NEXMIF: variants seen among roughly 807,000 people sequenced by gnomAD.
NEXMIF encodes neurite extension and migration factor.
In NEXMIF, 8 loss-of-function variants were observed where a neutral mutation model predicts 62.1. That is an observed-to-expected ratio of 0.13 (90% CI 0.08 to 0.23). The LOEUF is 0.23. NEXMIF is among the 10% of genes least tolerant of loss of function. The pLI is 1.00. For missense variants in NEXMIF, 976 were observed against 1,113.3 expected, an observed-to-expected ratio of 0.88 and a Z score of 1.75; for synonymous variants, 404 against 416.6, an observed-to-expected ratio of 0.97 and a Z score of 0.37.
rs1257327186 is a variant in NEXMIF at position 74,808,308 on chromosome X, G to A, written c.-47-62611C>T. On this transcript the variant is annotated intron_variant, in intron 1 of 3. Coordinates refer to ENST00000055682, the MANE Select transcript of NEXMIF (RefSeq NM_001008537.3). ...AATCTCAGCTACTTGGGAGGCTGAG[G>A]CAGGAGGATCCCTTGAACCCAGGAG... 2.7e-5 allele frequency among the ~76,000 whole-genome samples: 3 copies of A among 111,125 alleles called. No individual in the cohort carries two copies. In the East Asian group the frequency reaches 8.5e-4, roughly 32 times the overall value.
At chrX:74,904,950 G>GGTTAC (rs1231610409) in intron 1 of NEXMIF, among the ~76,000 whole-genome samples, 2 of 111,409 alleles carry the variant, frequency 1.8e-5, no homozygotes, top group Non-Finnish European at 3.8e-5. Context: ...TAGCCCAGCT[G>GGTTAC]CCTAGAACCT....
chrX:74,885,250 A>G (rs1462544632), intron 1 of NEXMIF, among the ~76,000 whole-genome samples: 1 of 111,865 alleles, frequency 8.9e-6, no homozygotes, highest in Middle Eastern at 4.2e-3. Flanking sequence ...GAGAAGCAAC[A>G]GCAAAAAAAT....
At chrX:74,873,189 G>A (rs2080611173) in intron 1 of NEXMIF, among the ~76,000 whole-genome samples, 1 of 109,266 alleles carries the variant, frequency 9.2e-6, no homozygotes, top group South Asian at 4.0e-4. Context: ...CCCTTCCAGT[G>A]TCCATGTGTT....
intron 1 of NEXMIF, among the ~76,000 whole-genome samples, chrX:74,848,753 A>G (rs996357054): frequency 1.8e-5 from 2 of 112,287 alleles, no homozygotes; most frequent in Admixed American, 9.4e-5. Context: ...CTAATCCCCA[A>G]TGTGATGGTA....
intron 1 of NEXMIF, among the ~76,000 whole-genome samples, chrX:74,797,132 A>T (rs978884597): frequency 1.8e-5 from 2 of 112,061 alleles, no homozygotes; most frequent in Admixed American, 1.9e-4. Flanking sequence ...ATTGAAGGAC[A>T]TTCTGCAAAA....
At chrX:74,781,027 G>T (rs1320719214) in intron 1 of NEXMIF, among the ~76,000 whole-genome samples, 2 of 111,755 alleles carry the variant, frequency 1.8e-5, no homozygotes, top group Admixed American at 9.5e-5. Flanking sequence ...AATATAGAAA[G>T]CCTGGGCAAC....
chrX:74,832,252 G>T (rs1017234872), intron 1 of NEXMIF, among the ~76,000 whole-genome samples: 2 of 111,597 alleles, frequency 1.8e-5, no homozygotes, highest in Non-Finnish European at 3.8e-5. Context: ...TTTACTAAGA[G>T]ACTTTTATTA....
intron 1 of NEXMIF, among the ~76,000 whole-genome samples, chrX:74,865,448 A>T (rs1221703968): frequency 8.9e-6 from 1 of 112,334 alleles, no homozygotes; most frequent in Non-Finnish European, 1.9e-5. Flanking sequence ...ATTCAAAAGG[A>T]AGAAGAGCAT....
rs1251401522 is a variant in NEXMIF at position 74,829,308 on chromosome X, T to C, written c.-47-83611A>G. On this transcript the variant is annotated intron_variant, in intron 1 of 3. Transcript: ENST00000055682. ...CAAGTGACAGAACATGTGATGTTTG[T>C]ATTTCTGTGCTTGGTTGATTTCACT... Among the ~76,000 whole-genome samples, 13 of 112,501 alleles carry C rather than the reference T, an allele frequency of 1.2e-4. No homozygotes were observed. The Admixed American group carries it at 1.2e-3, about 11-fold the overall frequency.
chrX:74,911,931 C>T (rs1037656003), intron 1 of NEXMIF, among the ~76,000 whole-genome samples: 1 of 112,081 alleles, frequency 8.9e-6, no homozygotes, highest in Non-Finnish European at 1.9e-5. Context: ...AGTACACAGG[C>T]AGTCCATAAA....
rs757541650 is a variant in NEXMIF at position 74,741,241 on chromosome X, A to G, written c.3316T>C (p.Leu1106=). ...KGFQEGVPGP[L]DSVEKIKWDC... is the part of the protein sequence containing the mutation. ...CACTTGATTTTTTCCACACTGTCCAATGGTCCTGGGACACCCTCTTGGAAC... is the reference window on the plus strand; with the variant it reads ...CACTTGATTTTTTCCACACTGTCCAGTGGTCCTGGGACACCCTCTTGGAAC... Residue 1106 remains leucine, a synonymous_variant, in exon 3 of 4, where the codon TTG becomes CTG. Coordinates refer to ENST00000055682, the MANE Select transcript of NEXMIF (RefSeq NM_001008537.3). 3.3e-6 allele frequency: 4 copies of G among 1,211,429 alleles called. No individual in the cohort carries two copies. The highest frequency in any genetic ancestry group is 2.3e-4 in the Middle Eastern group (1 of 4,354).
rs1189452377 is a variant in NEXMIF, at chrX:74,852,378, T to C, written c.-48+72505A>G. ...TCCAATACAATAATAGTTGGGAACT[T>C]CAACACTCCGCTCACAGCATAAGAC... On this transcript the variant is annotated intron_variant, in intron 1 of 3. Coordinates refer to ENST00000055682, the MANE Select transcript of NEXMIF (RefSeq NM_001008537.3). Among the ~76,000 whole-genome samples, 3 of 111,538 alleles carry C rather than the reference T, an allele frequency of 2.7e-5. No homozygotes were observed. The South Asian group carries it at 1.1e-3, about 43-fold the overall frequency.
intron 1 of NEXMIF, among the ~76,000 whole-genome samples, chrX:74,884,696 G>T (rs1290309166): frequency 9.0e-6 from 1 of 111,432 alleles, no homozygotes; most frequent in Non-Finnish European, 1.9e-5. Context: ...CAATAATAAT[G>T]GGAGATTTTA....
intron 1 of NEXMIF, among the ~76,000 whole-genome samples, chrX:74,924,216 G>A (rs982673650): frequency 9.0e-6 from 1 of 111,699 alleles, no homozygotes; most frequent in Non-Finnish European, 1.9e-5. Context: ...GCTGCGGGGC[G>A]CGGCAGAGAG....
chrX:74,918,128 A>C (rs983860973), intron 1 of NEXMIF, among the ~76,000 whole-genome samples: 1 of 111,975 alleles, frequency 8.9e-6, no homozygotes, highest in Non-Finnish European at 1.9e-5. Context: ...CCATACAACA[A>C]GAATTCTGTA....
At position 74,738,125 on chromosome X, in the gene NEXMIF, TA is replaced by T. The variant is rs1834646978; in HGVS notation, c.*1279del. ...AATGTTGGGGCTGTGAAATTTTTTTTAAAAAGTAGGGGGAGTACTGAATAAA... is the reference window on the plus strand; with the variant it reads ...AATGTTGGGGCTGTGAAATTTTTTTTAAAAGTAGGGGGAGTACTGAATAAA... On this transcript the variant is annotated 3_prime_UTR_variant, in exon 4 of 4. Transcript: ENST00000055682. 1 of 111,072 alleles carries T rather than the reference TA, an allele frequency of 9.0e-6. No homozygotes were observed. The highest frequency in any genetic ancestry group is 1.9e-5 in the Non-Finnish European group (1 of 53,012). The allele number at this position is 111,072 out of a possible 1,213,427, so 9.2% of individuals were successfully genotyped here.
intron 1 of NEXMIF, among the ~76,000 whole-genome samples, chrX:74,771,802 A>G (rs1488333833): frequency 9.0e-6 from 1 of 111,019 alleles, no homozygotes; most frequent in Non-Finnish European, 1.9e-5. Flanking sequence ...TTACATACAA[A>G]TAAAATTTAA....
chrX:74,810,401 G>A lies in NEXMIF; in HGVS notation c.-47-64704C>T, dbSNP rs138046592. ...TTAACTTTAAAAGCTACACAATGTGGTCTACCATAGGTTTGACAGAAAAAA... is the reference window on the plus strand; with the variant it reads ...TTAACTTTAAAAGCTACACAATGTGATCTACCATAGGTTTGACAGAAAAAA... On this transcript the variant is annotated intron_variant, in intron 1 of 3. Transcript: ENST00000055682. Among the ~76,000 whole-genome samples, 163 of 111,143 alleles carry A rather than the reference G, an allele frequency of 1.5e-3. 2 individuals carry two copies. In the East Asian group the frequency reaches 0.021, roughly 14 times the overall value.
At chrX:74,917,631 C>T (rs1459543010) in intron 1 of NEXMIF, among the ~76,000 whole-genome samples, 1 of 111,264 alleles carries the variant, frequency 9.0e-6, no homozygotes, top group Non-Finnish European at 1.9e-5. Flanking sequence ...GTCTCAAGGT[C>T]CCCATGAAGG....
Sources: allele counts gnomAD v4.1 joint callset (sites outside exome capture counted in the v4.1 genomes callset), GRCh38; gene constraint gnomAD v4.1.1; transcripts MANE v1.5; gene names NCBI Gene and HGNC (gene_info 2026-07-23, HGNC 2026-07-21).